RNF220: variants seen among roughly 807,000 people sequenced by gnomAD.
The protein encoded by RNF220 is ring finger protein 220, also known as E3 ubiquitin-protein ligase RNF220.
Under a neutral mutation model 67.1 loss-of-function variants are expected in RNF220, and 7 were observed. The ratio of observed to expected loss-of-function variants is 0.10; its 90% CI spans 0.06 to 0.20. RNF220 has a LOEUF of 0.20. Ranked by LOEUF, RNF220 falls within the 10% of genes least tolerant of loss-of-function variation. The probability of loss-of-function intolerance (pLI) is 1.00; values close to 1 mark genes in which losing one functional copy is unlikely to be tolerated. For synonymous variants in RNF220, 270 were observed against 283.2 expected (o/e 0.95, Z 0.47); for missense variants, 565 against 740.3 (o/e 0.76, Z 2.75).
chr1:44,623,009 A>G (rs1643861441), intron 4 of RNF220, among the ~76,000 whole-genome samples: 1 of 152,182 alleles, frequency 6.6e-6, no homozygotes, highest in Admixed American at 6.5e-5. Context: ...GAGTATGCTC[A>G]TCTGACTTCC....
At chr1:44,473,424 G>A (rs1044717429) in intron 2 of RNF220, among the ~76,000 whole-genome samples, 2 of 140,860 alleles carry the variant, frequency 1.4e-5, no homozygotes, top group Non-Finnish European at 3.0e-5. Context: ...CCACAATGCG[G>A]TGCCCCATCA....
In RNF220 at chr1:44,565,113, C is replaced by T. The variant is rs1470571868; in HGVS notation, c.626-49052C>T. Among the ~76,000 whole-genome samples the T allele has an allele frequency of 6.6e-6, 1 of 152,248 alleles. No homozygotes were observed. The highest frequency in any genetic ancestry group is 2.4e-5 in the African/African-American group (1 of 41,464). On this transcript the variant is annotated intron_variant, in intron 2 of 14. Transcript: ENST00000361799. This position sits in a 1 kb window ranked among gnomAD's most constrained non-coding sequence, Gnocchi z 4.2. The stretch of plus-strand genomic sequence containing the variant: ...CTGGCCTTAGGACATGCTTGGTCAG[C>T]ACTCCGTGAATAAATGAATGAGTGA...
rs1417278757 is a variant in RNF220 at position 44,412,347 on chromosome 1, G to T, written c.250G>T (p.Ala84Ser). The T allele has an allele frequency of 4.3e-6, 7 of 1,614,104 alleles. No homozygotes were observed. The highest frequency in any genetic ancestry group is 5.9e-6 in the Non-Finnish European group (7 of 1,180,006). The stretch of plus-strand genomic sequence containing the variant: ...GCAAGGTGGGGTGCCAGGCACTTTT[G>T]CCAATCGTGATTTCCCCCCTTCTCT... ...HRQGGVPGTFANRDFPPSLLH... is the reference protein window; with the variant it reads ...HRQGGVPGTFSNRDFPPSLLH... Residue 84 changes from alanine to serine, a missense_variant, in exon 2 of 15, where the codon GCC becomes TCC. Coordinates refer to ENST00000361799, the MANE Select transcript of RNF220 (RefSeq NM_018150.4). The surrounding 1 kb of genome is among the most constrained non-coding windows in gnomAD (Gnocchi z 5.3).
intron 2 of RNF220, among the ~76,000 whole-genome samples, chr1:44,592,569 G>A (rs1666196245): frequency 6.6e-6 from 1 of 152,196 alleles, no homozygotes; most frequent in Admixed American, 6.5e-5. Context: ...GCACTCCCAG[G>A]CCCATACCTG....
At chr1:44,509,947 A>G (rs1463935795) in intron 2 of RNF220, among the ~76,000 whole-genome samples, 1 of 151,392 alleles carries the variant, frequency 6.6e-6, no homozygotes, top group East Asian at 1.9e-4. Context: ...AAGAAAAGAA[A>G]ATCAGCATAG....
intron 2 of RNF220, among the ~76,000 whole-genome samples, chr1:44,560,012 G>A (rs1242928043): frequency 1.3e-5 from 2 of 152,146 alleles, no homozygotes; most frequent in African/African-American, 2.4e-5. Flanking sequence ...AGCACCTCCC[G>A]GCTCTCTGGC....
chr1:44,440,061 CA>C (rs1224253723), intron 2 of RNF220, among the ~76,000 whole-genome samples: 3 of 152,014 alleles, frequency 2.0e-5, no homozygotes, highest in Admixed American at 6.6e-5. Context: ...ACATTTCACG[CA>C]GGTAAGTAGC....
In RNF220 at chr1:44,583,023, G is replaced by A. The variant is rs1344421139; in HGVS notation, c.626-31142G>A. 2.0e-5 allele frequency among the ~76,000 whole-genome samples: 3 copies of A among 152,054 alleles called. No homozygotes were observed. The East Asian group carries it at 5.8e-4, about 29-fold the overall frequency. ...CTCCATTTCCAAAAAAGAAGAAGAA[G>A]AAGGGAGTGATCTACTGAGCTCAAG... On this transcript the variant is annotated intron_variant, in intron 2 of 14. Coordinates refer to ENST00000361799, the MANE Select transcript of RNF220 (RefSeq NM_018150.4).
Position 44,412,802 on chromosome 1 carries a change from T to C in RNF220, c.625+80T>C. On this transcript the variant is annotated intron_variant, in intron 2 of 14. Coordinates refer to ENST00000361799, the MANE Select transcript of RNF220 (RefSeq NM_018150.4). This position sits in a 1 kb window ranked among gnomAD's most constrained non-coding sequence, Gnocchi z 5.3. ...GATGTTCAACAGGTCGGTGGCGTTT[T>C]GCATGCTCCTAGTAATAGGAAGGGC... 6.7e-7 allele frequency: 1 copy of C among 1,500,858 alleles called. No individual in the cohort carries two copies. Among genetic ancestry groups the C allele is most frequent in the South Asian group, 1.3e-5 (1 of 77,122 alleles). 93.0% of individuals were successfully genotyped at this position (1,500,858 alleles called of 1,614,324 possible). A position where few individuals can be genotyped will look rare whatever the true frequency, so the allele number is the denominator to read the frequency against.
chr1:44,640,338 G>A (rs915040030), intron 8 of RNF220, among the ~76,000 whole-genome samples: 3 of 152,238 alleles, frequency 2.0e-5, no homozygotes, highest in Admixed American at 1.3e-4. Context: ...AGGCGGTCTT[G>A]GAGTGGAGAG....
intron 2 of RNF220, among the ~76,000 whole-genome samples, chr1:44,541,797 G>A (rs1661695919): frequency 6.6e-6 from 1 of 152,212 alleles, no homozygotes; most frequent in Non-Finnish European, 1.5e-5. Flanking sequence ...TTGGTCAGGT[G>A]CTTTCCCATT....
chr1:44,506,414 T>C (rs1223845520), intron 2 of RNF220, among the ~76,000 whole-genome samples: 2 of 152,264 alleles, frequency 1.3e-5, no homozygotes, highest in Non-Finnish European at 2.9e-5. Flanking sequence ...CTGGCCGCCA[T>C]GTGCCATACA....
chr1:44,428,571 G>A (rs1351233093), intron 2 of RNF220, among the ~76,000 whole-genome samples: 1 of 152,078 alleles, frequency 6.6e-6, no homozygotes, highest in East Asian at 1.9e-4. Context: ...CGTTCTCACA[G>A]CTGGCTGCTT....
At chr1:44,529,573 A>G (rs1044472056) in intron 2 of RNF220, among the ~76,000 whole-genome samples, 3 of 152,140 alleles carry the variant, frequency 2.0e-5, no homozygotes, top group African/African-American at 7.2e-5. Context: ...ATGGAGTCTC[A>G]CTATGTTGTC....
chr1:44,501,485 G>A (rs141790387), intron 2 of RNF220, among the ~76,000 whole-genome samples: 30 of 152,220 alleles, frequency 2.0e-4, no homozygotes, highest in Middle Eastern at 3.4e-3. Flanking sequence ...AGGAGCAGGC[G>A]TCCCATTTCC....
intron 2 of RNF220, among the ~76,000 whole-genome samples, chr1:44,546,927 C>T (rs1662206862): frequency 6.6e-6 from 1 of 152,204 alleles, no homozygotes; most frequent in African/African-American, 2.4e-5. Context: ...CAGAGTCATA[C>T]CCCTCAAGGC....
At chr1:44,552,048 C>G (rs930293676) in intron 2 of RNF220, among the ~76,000 whole-genome samples, 9 of 152,194 alleles carry the variant, frequency 5.9e-5, no homozygotes, top group African/African-American at 1.9e-4. Flanking sequence ...GCCACCAAAC[C>G]GTGGACAGCA....
At chr1:44,542,641 T>C (rs1283922741) in intron 2 of RNF220, among the ~76,000 whole-genome samples, 1 of 152,058 alleles carries the variant, frequency 6.6e-6, no homozygotes, top group East Asian at 1.9e-4. Context: ...TGAAAGGCCA[T>C]GGGGGCTGCA....
chr1:44,644,433 G>A (rs1207010563), intron 8 of RNF220: 5 of 411,074 alleles, frequency 1.2e-5, no homozygotes, highest in African/African-American at 2.0e-5. Context: ...CCCCGAGGAC[G>A]TGACATAATA....
Sources: allele counts gnomAD v4.1 joint callset (sites outside exome capture counted in the v4.1 genomes callset), GRCh38; gene constraint gnomAD v4.1.1; non-coding constraint Gnocchi (gnomAD v3.1); transcripts MANE v1.5; gene names NCBI Gene and HGNC (gene_info 2026-07-23, HGNC 2026-07-21).